SYNE2: variants seen among roughly 807,000 people sequenced by gnomAD.
SYNE2 encodes the protein nesprin-2.
In SYNE2, 431 loss-of-function variants were observed where a neutral mutation model predicts 856.3. That is an observed-to-expected ratio of 0.50 (90% CI 0.47 to 0.55). The LOEUF is 0.55. Among genes scored for constraint, SYNE2 ranks in the 20% least tolerant of loss-of-function variants. The pLI is 0.00. For missense variants in SYNE2, 8,129 were observed against 8,023.2 expected (o/e 1.01, Z -0.50); for synonymous variants, 2,923 against 2,872.3 (o/e 1.02, Z -0.56).
intron 96 of SYNE2, among the ~76,000 whole-genome samples, chr14:64,183,693 C>A (rs2098473325): frequency 6.6e-6 from 1 of 152,184 alleles, no homozygotes. Context: ...GCTGGCAGAT[C>A]ACTCGTGGTT....
At chr14:63,781,808 A>C (rs79323170) in intron 1 of SYNE2, among the ~76,000 whole-genome samples, 1,526 of 152,218 alleles carry the variant, frequency 0.01, 28 homozygotes, top group African/African-American at 0.035. Flanking sequence ...TGGGCTTGCA[A>C]AAGAATAAGG....
intron 111 of SYNE2, 59 bp from the exon 112 acceptor site, chr14:64,221,517 G>A (rs1210999542): frequency 1.2e-6 from 2 of 1,614,162 alleles, no homozygotes; most frequent in South Asian, 2.2e-5. Flanking sequence ...CCATGTTCCT[G>A]GCACACCCTC....
In SYNE2 at chr14:64,089,441, G is replaced by A. The variant is rs1204434254; in HGVS notation, c.11671-133G>A. ...ATTATTTATTTATCTATAGTGCTTG[G>A]TTAGTTTTTCAGAGGTATAGATGGC... On this transcript the variant is annotated intron_variant, in intron 58 of 115. Coordinates refer to ENST00000555002, the MANE Select transcript of SYNE2 (RefSeq NM_182914.3). 4 of 590,666 alleles carry A rather than the reference G, an allele frequency of 6.8e-6. No homozygotes were observed. The African/African-American group carries it at 7.7e-5, about 11-fold the overall frequency. The allele number at this position is 590,666 out of a possible 1,614,324, so 36.6% of individuals were successfully genotyped here.
In SYNE2 at chr14:64,158,520, A is replaced by G. The variant is rs373610686; in HGVS notation, c.15793-105A>G. On this transcript the variant is annotated intron_variant, in intron 85 of 115. Coordinates refer to ENST00000555002, the MANE Select transcript of SYNE2 (RefSeq NM_182914.3). ...TCAGTTAATCACTGGTGATCCTTCA[A>G]TACTCTCAAATTGAAATGCCTAAAT... The G allele has an allele frequency of 1.8e-4, 227 of 1,248,036 alleles. No homozygotes were observed. In the African/African-American group the frequency reaches 2.2e-3, roughly 12 times the overall value. 77.3% of individuals were successfully genotyped at this position (1,248,036 alleles called of 1,614,324 possible).
intron 109 of SYNE2, among the ~76,000 whole-genome samples, chr14:64,218,836 G>A (rs948548862): frequency 2.6e-5 from 4 of 152,054 alleles, no homozygotes; most frequent in Admixed American, 6.5e-5. Context: ...CTCTTCATTC[G>A]ACCAGCCCAG....
In SYNE2 at chr14:64,126,796, C is replaced by T. The variant is rs767673156; in HGVS notation, c.13906C>T (p.Arg4636Cys). The stretch of plus-strand genomic sequence containing the variant: ...CCTGAAAGCTGGCCTCGATTACAAC[C>T]GCAGTTACCAGGTATGATTCCGAGC... ...KSLKAGLDYN[R>C]SYQNEIKRLY... Residue 4636 changes from arginine to cysteine, a missense_variant, in exon 73 of 116, where the codon CGC becomes TGC. Physicochemically the swap from Arg to Cys is radical, Grantham distance 180. Transcript: ENST00000555002. The T allele has an allele frequency of 2.0e-5, 32 of 1,611,562 alleles. No homozygotes were observed. The highest frequency in any genetic ancestry group is 2.6e-5 in the Non-Finnish European group (31 of 1,180,022).
intron 85 of SYNE2, 77 bp downstream of exon 85, chr14:64,152,793 T>C: frequency 6.3e-7 from 1 of 1,578,190 alleles, no homozygotes; most frequent in South Asian, 1.1e-5. Flanking sequence ...GTTGTTTTCG[T>C]CCTTTACTCA....
intron 31 of SYNE2, among the ~76,000 whole-genome samples, chr14:64,008,290 C>T (rs1285516534): frequency 2.0e-5 from 3 of 152,224 alleles, no homozygotes; most frequent in Non-Finnish European, 4.4e-5. Context: ...AGCTTAATCA[C>T]CTCTGCAAAG....
rs1227217791 is a variant in SYNE2 at position 64,027,723 on chromosome 14, A to T, written c.6644A>T (p.Asn2215Ile). The T allele has an allele frequency of 1.2e-6, 2 of 1,614,144 alleles. No homozygotes were observed. The highest frequency in any genetic ancestry group is 2.2e-5 in the South Asian group (2 of 91,074). The change falls in exon 43 of 116, where the codon AAT becomes ATT. Residue 2215 changes from asparagine (N) to isoleucine (I), a missense_variant. Transcript: ENST00000555002. ...QGNYLLECTKNPSFSEEPWLE... is the reference protein window; with the variant it reads ...QGNYLLECTKIPSFSEEPWLE... ...AACTACCTCTTGGAGTGCACTAAAA[A>T]TCCCAGCTTCAGTGAAGAGCCTTGG...
At chr14:63,960,009 A>G (rs1037521607) in intron 8 of SYNE2, among the ~76,000 whole-genome samples, 19 of 152,236 alleles carry the variant, frequency 1.2e-4, no homozygotes, top group Non-Finnish European at 2.5e-4. Context: ...ATTTATGCAA[A>G]CCAAATACCA....
intron 3 of SYNE2, among the ~76,000 whole-genome samples, chr14:63,941,354 T>C (rs3818774): frequency 0.054 from 8,261 of 152,270 alleles, 292 homozygotes; most frequent in Admixed American, 0.097. Flanking sequence ...GGTAAATACA[T>C]AAGCAGGTTA....
chr14:63,781,046 G>A (rs950915129), intron 1 of SYNE2, among the ~76,000 whole-genome samples: 8 of 152,154 alleles, frequency 5.3e-5, no homozygotes, highest in Admixed American at 2.6e-4. Flanking sequence ...GGAGGCCGAG[G>A]TGGGCGGATT....
At chr14:63,926,852 C>G (rs1300923122) in intron 2 of SYNE2, among the ~76,000 whole-genome samples, 2 of 152,178 alleles carry the variant, frequency 1.3e-5, no homozygotes, top group East Asian at 3.8e-4. Flanking sequence ...CCCCATGACT[C>G]TATGAAAGCA....
chr14:63,789,466 C>T (rs1887654527), intron 1 of SYNE2, among the ~76,000 whole-genome samples: 1 of 151,994 alleles, frequency 6.6e-6, no homozygotes, highest in African/African-American at 2.4e-5. Context: ...TTCCCATTTC[C>T]CATCTTGTAT....
rs2096216993 is a variant in SYNE2 at position 63,954,654 on chromosome 14, A to AAATTTGCCAAATTTAATTAC, written c.591-65_591-64insAATTTGCCAAATTTAATTAC. ...TGCCAAATTTTAATTACTATTGAAT[A>AAATTTGCCAAATTTAATTAC]TAGTGGAGGGGGGTGTTACGTTCTT... On this transcript the variant is annotated intron_variant, in intron 7 of 115. Transcript: ENST00000555002. The AAATTTGCCAAATTTAATTAC allele has an allele frequency of 2.8e-6, 4 of 1,418,744 alleles. No individual in the cohort carries two copies. In the East Asian group the frequency reaches 6.9e-5, roughly 25 times the overall value. 87.9% of individuals were successfully genotyped at this position (1,418,744 alleles called of 1,614,324 possible).
At chr14:64,072,246 G>C (rs1399791115) in intron 52 of SYNE2, among the ~76,000 whole-genome samples, 1 of 152,170 alleles carries the variant, frequency 6.6e-6, no homozygotes, top group African/African-American at 2.4e-5. Flanking sequence ...TTTATGGCTA[G>C]AGGTGCTCTG....
intron 1 of SYNE2, among the ~76,000 whole-genome samples, chr14:63,846,609 G>C (rs529574832): frequency 6.7e-6 from 1 of 149,734 alleles, no homozygotes; most frequent in Admixed American, 6.7e-5. Flanking sequence ...TTGTTTGTTT[G>C]TTTTGAGATG....
intron 89 of SYNE2, among the ~76,000 whole-genome samples, chr14:64,164,310 C>A (rs1402908869): frequency 6.6e-6 from 1 of 152,028 alleles, no homozygotes; most frequent in East Asian, 1.9e-4. Context: ...CAGGGTTTCA[C>A]CATGTTAGCC....
At chr14:63,775,749 T>TTTTGTTTGTTTG (rs576349413) in intron 1 of SYNE2, among the ~76,000 whole-genome samples, 1 of 152,006 alleles carries the variant, frequency 6.6e-6, no homozygotes, top group African/African-American at 2.4e-5. Context: ...CCCTGGCTAA[T>TTTTGTTTGTTTG]TTTGTTTGTT....
Sources: gnomAD v4.1 joint callset for allele counts (sites outside exome capture counted in the v4.1 genomes callset) on GRCh38, gnomAD v4.1.1 for gene constraint, MANE v1.5 for transcripts, NCBI Gene and HGNC (gene_info 2026-07-23, HGNC 2026-07-21) for gene names.